PCDHGB6: variants seen among roughly 807,000 people sequenced by gnomAD.
The protein encoded by PCDHGB6 is protocadherin gamma subfamily B, 6.
A neutral mutation model predicts 59.1 loss-of-function variants in PCDHGB6; 51 were observed. The observed-to-expected ratio is 0.86, with a 90% CI of 0.69 to 1.09. The LOEUF (loss-of-function observed/expected upper bound fraction) is 1.09. Among genes scored for constraint, PCDHGB6 ranks in the 50% least tolerant of loss-of-function variants. PCDHGB6 has a pLI of 0.00. For missense variants in PCDHGB6, 1,148 were observed against 1,205.1 expected, an observed-to-expected ratio of 0.95 and a Z score of 0.70; for synonymous variants, 466 against 495.1, an observed-to-expected ratio of 0.94 and a Z score of 0.78.
At chr5:141,494,972 C>A in intron 2 of PCDHGB6, 107 bp downstream of exon 2, 1 of 1,581,852 alleles carries the variant, frequency 6.3e-7, no homozygotes, top group South Asian at 1.1e-5. Flanking sequence ...TGGCTTCTCC[C>A]TCAGTTTGAG....
At chr5:141,483,670 A>G (rs1158511173) in intron 1 of PCDHGB6, among the ~76,000 whole-genome samples, 1 of 138,404 alleles carries the variant, frequency 7.2e-6, no homozygotes, top group African/African-American at 3.1e-5. Context: ...GTGTGTGTGT[A>G]AAAGAACACA....
chr5:141,414,375 G>C, intron 1 of PCDHGB6: 1 of 1,613,854 alleles, frequency 6.2e-7, no homozygotes, highest in Non-Finnish European at 8.5e-7. Flanking sequence ...AATTAGAAAA[G>C]TCCATTGACA....
At position 141,486,873 on chromosome 5, in the gene PCDHGB6, G is replaced by A. The variant is rs769661146; in HGVS notation, c.2419-7934G>A. On this transcript the variant is annotated intron_variant, in intron 1 of 3. Transcript: ENST00000520790. This position sits in a 1 kb window ranked among gnomAD's most constrained non-coding sequence, Gnocchi z 5.0. ...AATGACAATGCTCCAGCTGTGCTCCGTCCTCGGGCCCGGCCTGGTTCCTTA... is the reference window on the plus strand; with the variant it reads ...AATGACAATGCTCCAGCTGTGCTCCATCCTCGGGCCCGGCCTGGTTCCTTA... 1.6e-5 allele frequency: 26 copies of A among 1,614,082 alleles called. No individual in the cohort carries two copies. Among genetic ancestry groups the A allele is most frequent in the African/African-American group, 4.0e-5 (3 of 74,922 alleles).
rs2099756055 is a variant in PCDHGB6, at chr5:141,494,679, C to T, written c.2419-128C>T. The T allele has an allele frequency of 3.9e-6, 6 of 1,556,494 alleles. No homozygotes were observed. In the South Asian group the frequency reaches 4.7e-5, roughly 12 times the overall value. ...GTCTTTGGAGATGAGTCCACCCCTG[C>T]CCCCTCTTAGTCCGTTTTCTTCTCT... is the stretch of plus-strand genomic sequence containing the variant. On this transcript the variant is annotated intron_variant, in intron 1 of 3. Coordinates refer to ENST00000520790, the MANE Select transcript of PCDHGB6 (RefSeq NM_018926.3).
Position 141,511,201 on chromosome 5 carries a change from G to A in PCDHGB6, c.*28G>A, listed in dbSNP as rs2099883661. On this transcript the variant is annotated 3_prime_UTR_variant, in exon 4 of 4. Transcript: ENST00000520790. ...TGGAGGCCAGGCCAAGAGCCACAGG[G>A]CGGCCTCTCCCCAACCAGCCCAGCT... 2 of 1,612,600 alleles carry A rather than the reference G, an allele frequency of 1.2e-6. No homozygotes were observed. The highest frequency in any genetic ancestry group is 1.7e-6 in the Non-Finnish European group (2 of 1,179,344).
At chr5:141,478,665 A>G (rs749063178) in intron 1 of PCDHGB6, 88 of 1,551,690 alleles carry the variant, frequency 5.7e-5, no homozygotes, top group Non-Finnish European at 3.7e-5. Flanking sequence ...ATGCATTCAC[A>G]CTTTCAACTG....
intron 3 of PCDHGB6, chr5:141,507,335 T>A (rs1228652205): frequency 6.6e-6 from 1 of 151,804 alleles, no homozygotes; most frequent in Non-Finnish European, 1.5e-5. Context: ...TGCTCATTGT[T>A]TACCTGAAAT....
chr5:141,508,790 C>T (rs1181979966), intron 3 of PCDHGB6, among the ~76,000 whole-genome samples: 1 of 152,072 alleles, frequency 6.6e-6, no homozygotes, highest in African/African-American at 2.4e-5. Flanking sequence ...CCCTAAATCA[C>T]TCTGGAATCC....
chr5:141,473,382 C>T (rs780229708), intron 1 of PCDHGB6, among the ~76,000 whole-genome samples: 3 of 152,190 alleles, frequency 2.0e-5, no homozygotes, highest in Non-Finnish European at 4.4e-5. Context: ...TGGTCCCTGC[C>T]CTCCTGGAGC....
rs573785314 is a variant in PCDHGB6 at position 141,435,382 on chromosome 5, C to T, written c.2418+24762C>T. 2.0e-5 allele frequency among the ~76,000 whole-genome samples: 3 copies of T among 152,034 alleles called. No homozygotes were observed. In the East Asian group the frequency reaches 5.8e-4, roughly 29 times the overall value. ...TTTATCACTTAAATATACAATATAC[C>T]GTATTGCCATGACGAAAAATGGTAA... On this transcript the variant is annotated intron_variant, in intron 1 of 3. Transcript: ENST00000520790.
chr5:141,452,054 C>T (rs578157525), intron 1 of PCDHGB6, among the ~76,000 whole-genome samples: 2 of 152,078 alleles, frequency 1.3e-5, no homozygotes, highest in Admixed American at 1.3e-4. Flanking sequence ...TTTGTAATAA[C>T]TTATTCTACT....
chr5:141,489,297 G>T lies in PCDHGB6; in HGVS notation c.2419-5510G>T. On this transcript the variant is annotated intron_variant, in intron 1 of 3. Transcript: ENST00000520790. This position sits in a 1 kb window ranked among gnomAD's most constrained non-coding sequence, Gnocchi z 4.5. Reference sequence around the variant, plus strand: ...GGAAATGGCAAGTGCTGTGCATGTTGTCCTTGTGCTGCTGGGGCTGGGTGT... The same window carrying T: ...GGAAATGGCAAGTGCTGTGCATGTTTTCCTTGTGCTGCTGGGGCTGGGTGT... 1.9e-6 allele frequency: 3 copies of T among 1,583,774 alleles called. No homozygotes were observed. Among genetic ancestry groups the T allele is most frequent in the Non-Finnish European group, 8.6e-7 (1 of 1,164,904 alleles).
chr5:141,450,903 C>T (rs1468232105), intron 1 of PCDHGB6, among the ~76,000 whole-genome samples: 3 of 151,086 alleles, frequency 2.0e-5, no homozygotes, highest in African/African-American at 7.3e-5. Context: ...CGGCTCACTG[C>T]AACCGCTGCC....
intron 1 of PCDHGB6, among the ~76,000 whole-genome samples, chr5:141,464,404 T>G (rs1224596546): frequency 6.6e-6 from 1 of 151,532 alleles, no homozygotes; most frequent in African/African-American, 2.4e-5. Flanking sequence ...GAACCTGAGA[T>G]ATATATATAT....
chr5:141,493,330 A>G lies in PCDHGB6; in HGVS notation c.2419-1477A>G, dbSNP rs979607147. 6.6e-6 allele frequency among the ~76,000 whole-genome samples: 1 copy of G among 152,182 alleles called. No homozygotes were observed. Among genetic ancestry groups the G allele is most frequent in the Non-Finnish European group, 1.5e-5 (1 of 68,020 alleles). On this transcript the variant is annotated intron_variant, in intron 1 of 3. Coordinates refer to ENST00000520790, the MANE Select transcript of PCDHGB6 (RefSeq NM_018926.3). The surrounding 1 kb of genome is among the most constrained non-coding windows in gnomAD (Gnocchi z 4.3). ...GTAAGAGAGATTCTAACCCCTGTCT[A>G]ACTCCAGAATGTGTGCTTTTAATTT... is the stretch of plus-strand genomic sequence containing the variant.
At chr5:141,503,023 A>AAT (rs2099817696) in intron 2 of PCDHGB6, among the ~76,000 whole-genome samples, 1 of 141,888 alleles carries the variant, frequency 7.0e-6, no homozygotes, top group African/African-American at 2.6e-5. Context: ...TTTTTTTTTT[A>AAT]ATATCTATTT....
chr5:141,415,648 A>G (rs1403877896), intron 1 of PCDHGB6: 1 of 1,598,772 alleles, frequency 6.3e-7, no homozygotes, highest in African/African-American at 1.4e-5. Flanking sequence ...TGTTAAAAAA[A>G]AAAAGATTGG....
chr5:141,430,997 C>G, intron 1 of PCDHGB6: 1 of 1,613,926 alleles, frequency 6.2e-7, no homozygotes. Context: ...CCTGAATCCG[C>G]GCAGCGGCAG....
chr5:141,423,374 G>T (rs1356564295), intron 1 of PCDHGB6: 2 of 1,614,188 alleles, frequency 1.2e-6, no homozygotes, highest in Admixed American at 1.7e-5. Context: ...CTGGCACTCA[G>T]GCTGTGGCGC....
Sources: gnomAD v4.1 joint callset for allele counts (sites outside exome capture counted in the v4.1 genomes callset) on GRCh38, gnomAD v4.1.1 for gene constraint, Gnocchi (gnomAD v3.1) non-coding constraint, MANE v1.5 for transcripts, NCBI Gene and HGNC (gene_info 2026-07-23, HGNC 2026-07-21) for gene names.